Variants in CRKL observed in about 807,000 individuals in gnomAD.
CRKL encodes CRK like proto-oncogene, adaptor protein.
In CRKL, 3 loss-of-function variants were observed where a neutral mutation model predicts 23.0. The ratio of observed to expected loss-of-function variants is 0.13; its 90% CI spans 0.06 to 0.34. The LOEUF is 0.34. Ranked by LOEUF, CRKL falls within the 10% of genes least tolerant of loss-of-function variation. The pLI, the probability that CRKL is intolerant of heterozygous loss-of-function variation, is 1.00. For missense variants in CRKL, 256 were observed against 394.5 expected (o/e 0.65, Z 2.97); for synonymous variants, 188 against 160.7 (o/e 1.17, Z -1.28).
chr22:20,923,183 A>G (rs5761368), intron 1 of CRKL, among the ~76,000 whole-genome samples: 115,330 of 151,994 alleles, frequency 0.76, 44,288 homozygotes, highest in South Asian at 0.91. Flanking sequence ...TGTACTCAGC[A>G]GACTTTGAGC....
At chr22:20,921,999 C>T (rs944011232) in intron 1 of CRKL, among the ~76,000 whole-genome samples, 5 of 133,470 alleles carry the variant, frequency 3.7e-5, no homozygotes, top group Admixed American at 8.2e-5. Flanking sequence ...TGAGCCACTG[C>T]GCCCGGCTTT....
At chr22:20,941,588 A>ATTT (rs1198699701) in intron 2 of CRKL, among the ~76,000 whole-genome samples, 1,594 of 33,492 alleles carry the variant, frequency 0.048, 285 homozygotes, top group South Asian at 0.097. Context: ...GTATATATAT[A>ATTT]TTTTTTTTTT....
Position 20,917,814 on chromosome 22 carries a change from C to A in CRKL, c.-121C>A. The A allele has an allele frequency of 1.1e-6, 1 of 948,474 alleles. No individual in the cohort carries two copies. The highest frequency in any genetic ancestry group is 1.5e-6 in the Non-Finnish European group (1 of 648,168). The allele number at this position is 948,474 out of a possible 1,614,324, so 58.8% of individuals were successfully genotyped here. A position where few individuals can be genotyped will look rare whatever the true frequency, so the allele number is the denominator to read the frequency against. Reference sequence around the variant, plus strand: ...GAAAGTGCTGGCCCAGCCCTCTGAGCGCTCCTCGAGGTGTGCGAGAGGCCC... The same window carrying A: ...GAAAGTGCTGGCCCAGCCCTCTGAGAGCTCCTCGAGGTGTGCGAGAGGCCC... On this transcript the variant is annotated 5_prime_UTR_variant, in exon 1 of 3. Transcript: ENST00000354336.
intron 2 of CRKL, among the ~76,000 whole-genome samples, chr22:20,937,508 G>A (rs543771633): frequency 1.3e-4 from 19 of 149,580 alleles, no homozygotes; most frequent in African/African-American, 4.7e-4. Context: ...AGTACTAGGA[G>A]GTTGTAGGGA....
intron 2 of CRKL, among the ~76,000 whole-genome samples, chr22:20,936,469 C>G (rs2147908014): frequency 6.6e-6 from 1 of 152,244 alleles, no homozygotes; most frequent in East Asian, 1.9e-4. Context: ...CTGCCTCAGC[C>G]TCCGGAGTAG....
chr22:20,933,832 A>G lies in CRKL; in HGVS notation c.365A>G (p.Glu122Gly), dbSNP rs752232310. The G allele has an allele frequency of 6.2e-6, 10 of 1,614,008 alleles. No homozygotes were observed. The highest frequency in any genetic ancestry group is 1.3e-5 in the African/African-American group (1 of 74,884). ...SVSAPNLPTA[E>G]DNLEYVRTLY... Reference sequence around the variant, plus strand: ...TCAGCACCCAACCTGCCTACAGCAGAAGATAACCTGGAATATGTACGGACT... The same window carrying G: ...TCAGCACCCAACCTGCCTACAGCAGGAGATAACCTGGAATATGTACGGACT... Residue 122 changes from glutamate (E) to glycine (G), a missense_variant, in exon 2 of 3, where the codon GAA becomes GGA. Transcript: ENST00000354336.
chr22:20,947,481 A>C (rs1017518931), intron 2 of CRKL, among the ~76,000 whole-genome samples: 1 of 151,674 alleles, frequency 6.6e-6, no homozygotes, highest in South Asian at 2.1e-4. Context: ...TTGGGATTAC[A>C]GGCATCTGCC....
At chr22:20,922,307 C>T (rs1272514659) in intron 1 of CRKL, among the ~76,000 whole-genome samples, 1 of 151,738 alleles carries the variant, frequency 6.6e-6, no homozygotes, top group Non-Finnish European at 1.5e-5. Context: ...AGATGTGAGC[C>T]ACCCTCTCCG....
At chr22:20,919,838 A>T (rs1021622556) in intron 1 of CRKL, among the ~76,000 whole-genome samples, 4 of 152,160 alleles carry the variant, frequency 2.6e-5, no homozygotes, top group African/African-American at 4.8e-5. Flanking sequence ...TGGGATAGAG[A>T]TAGAAAAAAA....
chr22:20,938,659 G>T (rs746462231), intron 2 of CRKL, among the ~76,000 whole-genome samples: 5 of 152,084 alleles, frequency 3.3e-5, no homozygotes, highest in African/African-American at 4.8e-5. Context: ...TTTAAATTTA[G>T]AGCAAATGCT....
rs1247116681 is a variant in CRKL, at chr22:20,941,588, A to ATATATTTTT, written c.777+7345_777+7346insATATTTTTT. On this transcript the variant is annotated intron_variant, in intron 2 of 2. Coordinates refer to ENST00000354336, the MANE Select transcript of CRKL (RefSeq NM_005207.4). Reference sequence around the variant, plus strand: ...TGTGTGTGTGTGTGTGTATATATATATTTTTTTTTTTTTTTTTTTTTTTTG... The same window carrying ATATATTTTT: ...TGTGTGTGTGTGTGTGTATATATATATATATTTTTTTTTTTTTTTTTTTTTTTTTTTTTG... Among the ~76,000 whole-genome samples the ATATATTTTT allele has an allele frequency of 4.7e-3, 156 of 33,536 alleles. 18 individuals are homozygous for ATATATTTTT. The highest frequency in any genetic ancestry group is 0.018 in the African/African-American group (152 of 8,258). The allele number at this position is 33,536 out of a possible 152,430, so 22.0% of individuals were successfully genotyped here.
chr22:20,939,071 C>CT (rs1336986875), intron 2 of CRKL, among the ~76,000 whole-genome samples: 5 of 152,134 alleles, frequency 3.3e-5, no homozygotes, highest in Admixed American at 1.3e-4. Flanking sequence ...TCTTCAGAGT[C>CT]TAACTCCATG....
intron 2 of CRKL, among the ~76,000 whole-genome samples, chr22:20,936,128 T>G (rs932451583): frequency 6.6e-6 from 1 of 152,048 alleles, no homozygotes; most frequent in African/African-American, 2.4e-5. Context: ...ACACTGCATT[T>G]AAGCCTGGGC....
At chr22:20,918,446 T>G (rs737892) in intron 1 of CRKL, among the ~76,000 whole-genome samples, 2 of 150,854 alleles carry the variant, frequency 1.3e-5, no homozygotes, top group East Asian at 3.9e-4. Context: ...TTTTTTTCCC[T>G]CTCACGAGGC....
intron 1 of CRKL, among the ~76,000 whole-genome samples, chr22:20,921,009 C>T (rs533894358): frequency 4.6e-5 from 7 of 152,330 alleles, no homozygotes; most frequent in East Asian, 1.9e-4. Context: ...CTTTGTTATA[C>T]TGAATCTTCG....
rs1393661716 is a variant in CRKL, at chr22:20,917,430, G to A, written c.-505G>A. 9 of 225,012 alleles carry A rather than the reference G, an allele frequency of 4.0e-5. No individual in the cohort carries two copies. Among genetic ancestry groups the A allele is most frequent in the Non-Finnish European group, 6.2e-5 (7 of 112,558 alleles). The allele number at this position is 225,012 out of a possible 1,614,324, so 13.9% of individuals were successfully genotyped here. A position where few individuals can be genotyped will look rare whatever the true frequency, so the allele number is the denominator to read the frequency against. ...GCGCAGACGGAGCGCGCTGAGCGGA[G>A]GGGGAGGTGGCTGCCGCTTCTCCCG... is the stretch of plus-strand genomic sequence containing the variant. On this transcript the variant is annotated 5_prime_UTR_variant, in exon 1 of 3. Coordinates refer to ENST00000354336, the MANE Select transcript of CRKL (RefSeq NM_005207.4).
chr22:20,929,985 T>G (rs1601677386), intron 1 of CRKL, among the ~76,000 whole-genome samples: 3 of 152,120 alleles, frequency 2.0e-5, no homozygotes, highest in African/African-American at 7.2e-5. Context: ...AATAAATGAG[T>G]TTGAGAATAT....
chr22:20,926,385 A>G (rs1921204571), intron 1 of CRKL, among the ~76,000 whole-genome samples: 1 of 152,154 alleles, frequency 6.6e-6, no homozygotes. Flanking sequence ...AGGGACCCTG[A>G]GAAGCTGAGC....
intron 2 of CRKL, among the ~76,000 whole-genome samples, chr22:20,944,135 T>C (rs1399288438): frequency 3.5e-5 from 5 of 141,072 alleles, no homozygotes; most frequent in African/African-American, 1.3e-4. Context: ...TTGGGTAGTA[T>C]TAGCTTTTTT....
Sources: gnomAD v4.1 joint callset for allele counts (sites outside exome capture counted in the v4.1 genomes callset) on GRCh38, gnomAD v4.1.1 for gene constraint, MANE v1.5 for transcripts, NCBI Gene and HGNC (gene_info 2026-07-23, HGNC 2026-07-21) for gene names.